The following POLR1D variants were observed in gnomAD, a reference collection of about 807,000 sequenced individuals.
The protein encoded by POLR1D is DNA-directed RNA polymerases I and III subunit RPAC2.
Under a neutral mutation model 10.8 loss-of-function variants are expected in POLR1D, and 8 were observed. The observed-to-expected ratio is 0.74, with a 90% CI of 0.43 to 1.33. The LOEUF (loss-of-function observed/expected upper bound fraction) is 1.33. Ranked by LOEUF, POLR1D falls within the 40% of genes most tolerant of loss-of-function variation. The probability of loss-of-function intolerance (pLI) is 0.01; values close to 1 mark genes in which losing one functional copy is unlikely to be tolerated. For synonymous variants in POLR1D, 54 were observed against 57.2 expected, an observed-to-expected ratio of 0.94 and a Z score of 0.25; for missense variants, 152 against 161.7, an observed-to-expected ratio of 0.94 and a Z score of 0.32.
intron 1 of POLR1D, among the ~76,000 whole-genome samples, chr13:27,646,484 A>G (rs1425858467): frequency 3.9e-5 from 6 of 152,194 alleles, no homozygotes; most frequent in Non-Finnish European, 7.3e-5. Context: ...TTGTGATTCC[A>G]TAAGAGGTTG....
intron 2 of POLR1D, chr13:27,665,431 G>A (rs768195084): frequency 2.5e-5 from 13 of 511,480 alleles, no homozygotes; most frequent in African/African-American, 2.5e-4. Flanking sequence ...ATGAACTTCA[G>A]TAGGAAATTT....
exon 3 of POLR1D, chr13:27,665,733 C>G (rs1303823690): frequency 1.2e-6 from 2 of 1,613,030 alleles, no homozygotes; most frequent in Non-Finnish European, 1.7e-6. Flanking sequence ...CTAATTAACA[C>G]AATTAAAAAC....
chr13:27,659,925 T>TATAC (rs528297415), intron 2 of POLR1D, among the ~76,000 whole-genome samples: 2,800 of 149,428 alleles, frequency 0.019, 61 homozygotes, highest in South Asian at 0.11. Context: ...TATATATATA[T>TATAC]ACACACACAT....
At chr13:27,637,324 G>T (rs1956134134) in intron 1 of POLR1D, among the ~76,000 whole-genome samples, 1 of 152,144 alleles carries the variant, frequency 6.6e-6, no homozygotes, top group African/African-American at 2.4e-5. Flanking sequence ...CTTTCTAGTG[G>T]TTCCTCCTGT....
At chr13:27,642,795 A>G in intron 1 of POLR1D, among the ~76,000 whole-genome samples, 1 of 152,214 alleles carries the variant, frequency 6.6e-6, no homozygotes, top group East Asian at 1.9e-4. Flanking sequence ...TTATCCTCAT[A>G]ACAACCCTGT....
At chr13:27,659,906 G>GTATATATATATATATATATATATA (rs142807905) in intron 2 of POLR1D, among the ~76,000 whole-genome samples, 59 of 145,154 alleles carry the variant, frequency 4.1e-4, no homozygotes, top group African/African-American at 1.4e-3. Flanking sequence ...TATCTCAGGT[G>GTATATATATATATATATATATATA]TATATATATA....
rs539984340 is a variant in POLR1D at position 27,636,360 on chromosome 13, T to C, written c.27-12019T>C. Among the ~76,000 whole-genome samples, 5 of 152,324 alleles carry C rather than the reference T, an allele frequency of 3.3e-5. No homozygotes were observed. In the South Asian group the frequency reaches 1.0e-3, roughly 32 times the overall value. Reference sequence around the variant, plus strand: ...ATTTCCTCGGTTTTATATGACAAAGTTAAACCAGATGGCCTCTAACTCTAA... The same window carrying C: ...ATTTCCTCGGTTTTATATGACAAAGCTAAACCAGATGGCCTCTAACTCTAA... On this transcript the variant is annotated intron_variant, in intron 1 of 2. Transcript: ENST00000399697.
intron 2 of POLR1D, among the ~76,000 whole-genome samples, chr13:27,659,128 T>A (rs1469793348): frequency 2.0e-5 from 3 of 152,208 alleles, no homozygotes; most frequent in Non-Finnish European, 4.4e-5. Context: ...AACTGTTGAT[T>A]ATTGGAAACT....
At chr13:27,660,397 AAG>A (rs1956352751) in intron 2 of POLR1D, among the ~76,000 whole-genome samples, 1 of 152,236 alleles carries the variant, frequency 6.6e-6, no homozygotes, top group South Asian at 2.1e-4. Context: ...CATAGAATAA[AAG>A]AACGCATTGA....
rs1419114866 is a variant in POLR1D at position 27,623,022 on chromosome 13, G to C, written c.174G>C (p.Met58Ile). 3.7e-6 allele frequency: 6 copies of C among 1,613,976 alleles called. No individual in the cohort carries two copies. The highest frequency in any genetic ancestry group is 5.1e-6 in the Non-Finnish European group (6 of 1,179,976). Reference protein sequence around the residue: ...DHTLGNSLRYMIMKNPEVEFC... With the variant: ...DHTLGNSLRYIIMKNPEVEFC... The stretch of plus-strand genomic sequence containing the variant: ...CCCTAGGAAATTCTCTACGTTACAT[G>C]ATCATGAAGAACCCGGAAGTGGAAT... Residue 58 changes from methionine to isoleucine, a missense_variant, in exon 2 of 2, where the codon ATG (methionine) becomes ATC (isoleucine). Physicochemically the swap from Met to Ile is conservative, Grantham distance 10 (BLOSUM62 1). Transcript: ENST00000302979.
chr13:27,626,135 A>G (rs1956006617), downstream of POLR1D, among the ~76,000 whole-genome samples: 1 of 152,200 alleles, frequency 6.6e-6, no homozygotes, highest in African/African-American at 2.4e-5. Flanking sequence ...AAGGATGTGG[A>G]AAAGGATTAA....
chr13:27,664,326 T>C (rs1236450029), intron 2 of POLR1D, among the ~76,000 whole-genome samples: 1 of 152,246 alleles, frequency 6.6e-6, no homozygotes, highest in Non-Finnish European at 1.5e-5. Flanking sequence ...CTTTCTTCTT[T>C]GCCCTTCGTC....
In POLR1D at chr13:27,636,389, T is replaced by C. The variant is rs1197309995; in HGVS notation, c.27-11990T>C. 3.3e-5 allele frequency among the ~76,000 whole-genome samples: 5 copies of C among 152,308 alleles called. No individual in the cohort carries two copies. In the East Asian group the frequency reaches 9.6e-4, roughly 29 times the overall value. On this transcript the variant is annotated intron_variant, in intron 1 of 2. Coordinates refer to the POLR1D transcript ENST00000399697. ...ACCAGATGGCCTCTAACTCTAACATTTGAGAAACTTTTCCCTTACATTTTT... is the reference window on the plus strand; with the variant it reads ...ACCAGATGGCCTCTAACTCTAACATCTGAGAAACTTTTCCCTTACATTTTT...
chr13:27,636,770 T>G (rs760130976), intron 1 of POLR1D, among the ~76,000 whole-genome samples: 1 of 152,172 alleles, frequency 6.6e-6, no homozygotes, highest in African/African-American at 2.4e-5. Context: ...CGGTCTCAAT[T>G]GGGTACCTAT....
downstream of POLR1D, among the ~76,000 whole-genome samples, chr13:27,624,893 A>T (rs1282986732): frequency 1.3e-5 from 2 of 152,182 alleles, no homozygotes; most frequent in African/African-American, 2.4e-5. Context: ...GTCTCAAAAA[A>T]ATATATAAAA....
chr13:27,642,863 C>T (rs894840644), intron 1 of POLR1D, among the ~76,000 whole-genome samples: 1 of 152,140 alleles, frequency 6.6e-6, no homozygotes, highest in Admixed American at 6.6e-5. Flanking sequence ...TCTTATTTTT[C>T]CACCACTGCT....
chr13:27,652,299 A>G (rs942491374), intron 2 of POLR1D, among the ~76,000 whole-genome samples: 1 of 152,236 alleles, frequency 6.6e-6, no homozygotes, highest in Non-Finnish European at 1.5e-5. Context: ...TTCTGATAGT[A>G]AAAGAACTAG....
downstream of POLR1D, chr13:27,623,466 C>A: frequency 2.9e-6 from 3 of 1,039,998 alleles, no homozygotes; most frequent in Non-Finnish European, 3.9e-6. Flanking sequence ...TGACTGGTTT[C>A]TGTTCCATGC....
downstream of POLR1D, among the ~76,000 whole-genome samples, chr13:27,627,792 G>A (rs768858164): frequency 6.4e-5 from 9 of 139,536 alleles, no homozygotes; most frequent in Non-Finnish European, 1.1e-4. Flanking sequence ...GAAGGAAACT[G>A]GAAGACAGCA....
Sources: allele counts gnomAD v4.1 joint callset (sites outside exome capture counted in the v4.1 genomes callset), GRCh38; gene constraint gnomAD v4.1.1; transcripts MANE v1.5; gene names NCBI Gene and HGNC (gene_info 2026-07-23, HGNC 2026-07-21).